The following STARD13 variants were observed in gnomAD, a reference collection of about 807,000 sequenced individuals.
The protein encoded by STARD13 is StAR related lipid transfer domain containing 13.
In STARD13, 62 loss-of-function variants were observed where a neutral mutation model predicts 106.4. That is an observed-to-expected ratio of 0.58 (90% CI 0.48 to 0.72). The LOEUF is 0.72. Ranked by LOEUF, STARD13 falls within the 30% of genes least tolerant of loss-of-function variation. The pLI is 0.00. For synonymous variants in STARD13, 565 were observed against 553.0 expected, an observed-to-expected ratio of 1.02 and a Z score of -0.31; for missense variants, 1,387 against 1,424.0, an observed-to-expected ratio of 0.97 and a Z score of 0.42.
chr13:33,177,239 A>C (rs1884614122), intron 1 of STARD13, among the ~76,000 whole-genome samples: 1 of 152,252 alleles, frequency 6.6e-6, no homozygotes, highest in Non-Finnish European at 1.5e-5. Context: ...ATTTTCTGTA[A>C]GAATAGATTT....
At position 33,129,872 on chromosome 13, in the gene STARD13, T is replaced by C. The variant is rs1416058648; in HGVS notation, c.805A>G (p.Lys269Glu). The C allele has an allele frequency of 1.2e-6, 2 of 1,612,988 alleles. No individual in the cohort carries two copies. Among genetic ancestry groups the C allele is most frequent in the African/African-American group, 1.3e-5 (1 of 74,936 alleles). Reference protein sequence around the residue: ...FLKRMETLRGKGAHGRHKGSG... With the variant: ...FLKRMETLRGEGAHGRHKGSG... Reference sequence around the variant, plus strand: ...CCCTTATGCCTCCCGTGGGCTCCCTTCCCTCGGAGTGTTTCCATGCGTTTC... The same window carrying C: ...CCCTTATGCCTCCCGTGGGCTCCCTCCCCTCGGAGTGTTTCCATGCGTTTC... The change falls in exon 5 of 14, where the codon AAG (lysine) becomes GAG (glutamate). Residue 269 changes from lysine to glutamate, a missense_variant. Physicochemically the swap from Lys to Glu is moderately conservative, Grantham distance 56. Coordinates refer to ENST00000336934, the MANE Select transcript of STARD13 (RefSeq NM_178006.4).
At chr13:33,550,404 A>G in the STARD13 span, among the ~76,000 whole-genome samples, 1 of 152,198 alleles carries the variant, frequency 6.6e-6, no homozygotes. Context: ...TTCTGTCCTT[A>G]GCATCCTTAA....
chr13:33,261,566 C>T (rs990493979), intron 1 of STARD13, among the ~76,000 whole-genome samples: 5 of 152,102 alleles, frequency 3.3e-5, no homozygotes, highest in Non-Finnish European at 7.4e-5. Context: ...CCGGCATAAG[C>T]CTCAACTAGA....
the STARD13 span, among the ~76,000 whole-genome samples, chr13:33,675,895 G>A: frequency 8.6e-5 from 13 of 152,020 alleles, no homozygotes; most frequent in African/African-American, 2.7e-4. Context: ...TAAAAGCATC[G>A]AGTATTCTAC....
intron 4 of STARD13, among the ~76,000 whole-genome samples, chr13:33,133,563 G>A (rs1218513995): frequency 6.6e-6 from 1 of 151,570 alleles, no homozygotes; most frequent in African/African-American, 2.4e-5. Context: ...TTTCACTAAT[G>A]ATGGATATTT....
chr13:33,257,232 A>G (rs1890408688), intron 1 of STARD13, among the ~76,000 whole-genome samples: 1 of 152,204 alleles, frequency 6.6e-6, no homozygotes, highest in Admixed American at 6.5e-5. Context: ...AAGACCATGA[A>G]TGGGAACTAA....
At chr13:33,633,593 A>G in the STARD13 span, among the ~76,000 whole-genome samples, 1 of 152,240 alleles carries the variant, frequency 6.6e-6, no homozygotes, top group Non-Finnish European at 1.5e-5. Flanking sequence ...TTAAAATGTA[A>G]TCACTGCACA....
At chr13:33,641,492 A>T in the STARD13 span, among the ~76,000 whole-genome samples, 1 of 152,236 alleles carries the variant, frequency 6.6e-6, no homozygotes, top group South Asian at 2.1e-4. Context: ...GGTTTCTATG[A>T]CCCACCTTGG....
At chr13:33,523,019 G>C in the STARD13 span, among the ~76,000 whole-genome samples, 9 of 152,084 alleles carry the variant, frequency 5.9e-5, no homozygotes, top group African/African-American at 1.9e-4. Context: ...TTATTATCAC[G>C]TGTGCTGAAT....
chr13:33,264,515 A>G (rs919382456), intron 1 of STARD13, among the ~76,000 whole-genome samples: 5 of 152,212 alleles, frequency 3.3e-5, no homozygotes, highest in Non-Finnish European at 7.3e-5. Context: ...TTTCATCAGC[A>G]GAGTCTAGAG....
At chr13:33,124,601 C>T (rs1385412870) in intron 7 of STARD13, among the ~76,000 whole-genome samples, 1 of 152,106 alleles carries the variant, frequency 6.6e-6, no homozygotes, top group Non-Finnish European at 1.5e-5. Flanking sequence ...ACTGGCCCCA[C>T]TAACAGCAAT....
downstream of STARD13, among the ~76,000 whole-genome samples, chr13:33,344,617 C>T (rs1372844506): frequency 6.6e-6 from 1 of 152,162 alleles, no homozygotes; most frequent in Admixed American, 6.6e-5. Context: ...ATGAATGAAC[C>T]TGTTTTAACA....
At chr13:33,105,802 A>G (rs925059283) in intron 13 of STARD13, 92 bp from the exon 14 acceptor site, 43 of 1,060,808 alleles carry the variant, frequency 4.1e-5, no homozygotes, top group Non-Finnish European at 5.4e-5. Context: ...TTGGGCCCCG[A>G]TGACCAGTGA....
chr13:33,573,481 A>T, the STARD13 span, among the ~76,000 whole-genome samples: 1 of 152,210 alleles, frequency 6.6e-6, no homozygotes, highest in Non-Finnish European at 1.5e-5. Flanking sequence ...CCATAAGGCT[A>T]GGGATCCTGG....
At chr13:33,239,774 T>G (rs993529534) in intron 1 of STARD13, among the ~76,000 whole-genome samples, 5 of 152,168 alleles carry the variant, frequency 3.3e-5, no homozygotes, top group African/African-American at 9.6e-5. Context: ...TTGTAGAAGT[T>G]CTTATATATT....
chr13:33,128,467 T>C (rs1877581658), intron 5 of STARD13, among the ~76,000 whole-genome samples: 1 of 152,178 alleles, frequency 6.6e-6, no homozygotes, highest in Non-Finnish European at 1.5e-5. Context: ...TAATTGGCAC[T>C]TTAAAGCAAA....
intron 8 of STARD13, among the ~76,000 whole-genome samples, chr13:33,117,134 A>G (rs1273483028): frequency 1.3e-5 from 2 of 152,054 alleles, no homozygotes; most frequent in Admixed American, 6.6e-5. Context: ...TCTGAGATGG[A>G]GTCTCGCTCT....
the STARD13 span, among the ~76,000 whole-genome samples, chr13:33,664,278 T>C: frequency 1.3e-5 from 2 of 152,190 alleles, no homozygotes; most frequent in Non-Finnish European, 2.9e-5. Flanking sequence ...CATACAACAC[T>C]ACGCTAAATA....
At chr13:33,315,346 G>A (rs1275991660) in intron 1 of STARD13, among the ~76,000 whole-genome samples, 1 of 152,188 alleles carries the variant, frequency 6.6e-6, no homozygotes, top group Non-Finnish European at 1.5e-5. Flanking sequence ...GCTCTGATCT[G>A]AGCATCTGGT....
Sources: gnomAD v4.1 joint callset for allele counts (sites outside exome capture counted in the v4.1 genomes callset) on GRCh38, gnomAD v4.1.1 for gene constraint, MANE v1.5 for transcripts, NCBI Gene and HGNC (gene_info 2026-07-23, HGNC 2026-07-21) for gene names.